Variants in TPP2 observed in about 807,000 individuals in gnomAD.
TPP2 encodes tripeptidyl-peptidase 2.
A neutral mutation model predicts 155.9 loss-of-function variants in TPP2; 34 were observed. The ratio of observed to expected loss-of-function variants is 0.22; its 90% CI spans 0.17 to 0.29. TPP2 has a LOEUF of 0.29. Among genes scored for constraint, TPP2 ranks in the 10% least tolerant of loss-of-function variants. The pLI is 1.00. For missense variants in TPP2, 1,028 were observed against 1,522.3 expected, an observed-to-expected ratio of 0.68 and a Z score of 5.40; for synonymous variants, 510 against 529.4, an observed-to-expected ratio of 0.96 and a Z score of 0.50.
rs1883506170 is a variant in TPP2 at position 102,651,761 on chromosome 13, C to G, written c.2991+364C>G. 6.6e-5 allele frequency among the ~76,000 whole-genome samples: 10 copies of G among 151,436 alleles called. No individual in the cohort carries two copies. In the South Asian group the frequency reaches 2.1e-3, roughly 31 times the overall value. On this transcript the variant is annotated intron_variant, in intron 24 of 29. Coordinates refer to ENST00000376052, the MANE Select transcript of TPP2 (RefSeq NM_001330588.2). ...AATTTTTTTTTTTTAGCCATATAAG[C>G]TAAAGCACTTATTTTTAAAGTCTAA... is the stretch of plus-strand genomic sequence containing the variant.
chr13:102,604,966 T>C (rs1476540816), intron 2 of TPP2, 45 bp downstream of exon 2: 1 of 1,599,816 alleles, frequency 6.3e-7, no homozygotes, highest in African/African-American at 1.4e-5. Flanking sequence ...TTTTTACTCT[T>C]GCCTCAAAGC....
At chr13:102,611,484 T>C (rs1880314116) in intron 2 of TPP2, among the ~76,000 whole-genome samples, 1 of 152,146 alleles carries the variant, frequency 6.6e-6, no homozygotes, top group African/African-American at 2.4e-5. Flanking sequence ...AAGACCAGCC[T>C]GACCAACATG....
intron 27 of TPP2, among the ~76,000 whole-genome samples, chr13:102,672,102 G>A (rs188185505): frequency 3.3e-5 from 5 of 152,272 alleles, no homozygotes; most frequent in Non-Finnish European, 7.4e-5. Flanking sequence ...CACCTGCCAA[G>A]TCTGTCCCTC....
At chr13:102,651,323 G>T (rs1246722993) in intron 23 of TPP2, 36 bp from the exon 24 acceptor site, 1 of 1,563,950 alleles carries the variant, frequency 6.4e-7, no homozygotes, top group Non-Finnish European at 8.7e-7. Context: ...TGTAGATTAT[G>T]CATGTTTTCT....
At position 102,604,932 on chromosome 13, in the gene TPP2, T is replaced by C. The variant is rs762839986; in HGVS notation, c.294+11T>C. 3 of 1,597,442 alleles carry C rather than the reference T, an allele frequency of 1.9e-6. No homozygotes were observed. The African/African-American group carries it at 4.1e-5, about 22-fold the overall frequency. On this transcript the variant is annotated intron_variant, in intron 2 of 29. Transcript: ENST00000376052. ...GGAAGAGTGCTTAAGGTGAGACCTT[T>C]TGTCTTCTTTTTGAATTTTTTTTTT...
At chr13:102,606,783 T>C (rs1010378338) in intron 2 of TPP2, among the ~76,000 whole-genome samples, 2 of 152,208 alleles carry the variant, frequency 1.3e-5, no homozygotes, top group Non-Finnish European at 2.9e-5. Context: ...TTCTTAGAAA[T>C]CTGCCTGTCA....
At chr13:102,656,517 A>G (rs977340021) in intron 24 of TPP2, among the ~76,000 whole-genome samples, 1 of 151,950 alleles carries the variant, frequency 6.6e-6, no homozygotes, top group Non-Finnish European at 1.5e-5. Context: ...CAGTCATTCT[A>G]TCCTTTTCTG....
chr13:102,671,288 A>G (rs547352244), intron 27 of TPP2, among the ~76,000 whole-genome samples: 3 of 152,320 alleles, frequency 2.0e-5, no homozygotes, highest in South Asian at 2.1e-4. Context: ...AAGTCATGCA[A>G]AAGTCTCCAT....
At chr13:102,621,389 C>T (rs1283394560) in intron 5 of TPP2, among the ~76,000 whole-genome samples, 1 of 152,074 alleles carries the variant, frequency 6.6e-6, no homozygotes, top group Non-Finnish European at 1.5e-5. Flanking sequence ...AACGTCTGAA[C>T]CAGTCTAGGA....
chr13:102,670,765 A>G (rs752112610), intron 27 of TPP2, among the ~76,000 whole-genome samples: 2 of 152,312 alleles, frequency 1.3e-5, no homozygotes, highest in Admixed American at 6.5e-5. Context: ...GTAATTTCTG[A>G]TAATCATTTA....
intron 1 of TPP2, among the ~76,000 whole-genome samples, chr13:102,601,514 T>G (rs1259140295): frequency 6.6e-6 from 1 of 152,234 alleles, no homozygotes; most frequent in African/African-American, 2.4e-5. Flanking sequence ...TGGGAAAAGC[T>G]TTGGGCAATT....
intron 20 of TPP2, among the ~76,000 whole-genome samples, 180 bp from the exon 21 acceptor site, chr13:102,647,027 A>G (rs959530688): frequency 3.3e-5 from 5 of 152,210 alleles, no homozygotes; most frequent in African/African-American, 1.2e-4. Context: ...AAAGTTTGTA[A>G]GAGAGCAGTG....
chr13:102,648,866 G>A, intron 21 of TPP2, 41 bp from the exon 22 acceptor site: 1 of 1,549,380 alleles, frequency 6.5e-7, no homozygotes. Flanking sequence ...CGTTGACTTG[G>A]TTAAACTTAA....
chr13:102,601,942 A>G (rs1350443104), intron 1 of TPP2, among the ~76,000 whole-genome samples: 1 of 152,234 alleles, frequency 6.6e-6, no homozygotes, highest in Non-Finnish European at 1.5e-5. Context: ...GCATGTGGAA[A>G]TAGGTGACAA....
chr13:102,623,925 T>C (rs1881356644), intron 6 of TPP2, among the ~76,000 whole-genome samples: 1 of 152,208 alleles, frequency 6.6e-6, no homozygotes, highest in Non-Finnish European at 1.5e-5. Context: ...TAATACCTTA[T>C]AGTATGTAAG....
At chr13:102,603,810 C>T (rs962648683) in intron 1 of TPP2, among the ~76,000 whole-genome samples, 7 of 152,100 alleles carry the variant, frequency 4.6e-5, no homozygotes, top group African/African-American at 1.7e-4. Context: ...TTGGAATTTT[C>T]AGGTTAGGGT....
At chr13:102,627,653 T>A (rs572305993) in intron 7 of TPP2, among the ~76,000 whole-genome samples, 195 bp from the exon 8 acceptor site, 2 of 152,134 alleles carry the variant, frequency 1.3e-5, no homozygotes, top group African/African-American at 4.8e-5. Context: ...ATGACTACTT[T>A]TTTATGTGTC....
chr13:102,646,211 T>TA, intron 19 of TPP2, 83 bp from the exon 20 acceptor site: 1 of 1,126,148 alleles, frequency 8.9e-7, no homozygotes, highest in Non-Finnish European at 1.3e-6. Flanking sequence ...TGCAATATGT[T>TA]ACAGATTTTG....
intron 10 of TPP2, 56 bp from the exon 11 acceptor site, chr13:102,633,894 C>T: frequency 1.9e-6 from 3 of 1,606,698 alleles, no homozygotes; most frequent in South Asian, 1.1e-5. Flanking sequence ...CTTAAAAATG[C>T]CCATGTATGT....
Sources: gnomAD v4.1 joint callset for allele counts (sites outside exome capture counted in the v4.1 genomes callset) on GRCh38, gnomAD v4.1.1 for gene constraint, MANE v1.5 for transcripts, NCBI Gene and HGNC (gene_info 2026-07-23, HGNC 2026-07-21) for gene names.